Variants in RLF observed in about 807,000 individuals in gnomAD.
The protein encoded by RLF is RLF zinc finger.
Under a neutral mutation model 162.9 loss-of-function variants are expected in RLF, and 7 were observed. The ratio of observed to expected loss-of-function variants is 0.04; its 90% CI spans 0.02 to 0.08. The LOEUF is 0.08. Ranked by LOEUF, RLF falls within the 10% of genes least tolerant of loss-of-function variation. RLF has a pLI of 1.00. For missense variants in RLF, 1,664 were observed against 2,244.7 expected (o/e 0.74, Z 5.23); for synonymous variants, 782 against 791.5 (o/e 0.99, Z 0.20).
chr1:40,232,682 C>T (rs72939314), intron 7 of RLF, among the ~76,000 whole-genome samples: 1 of 152,146 alleles, frequency 6.6e-6, no homozygotes, highest in Admixed American at 6.6e-5. Context: ...TGCTTGAAAC[C>T]TGACATCCTC....
chr1:40,162,742 G>A (rs1311757576), intron 1 of RLF, among the ~76,000 whole-genome samples: 1 of 152,158 alleles, frequency 6.6e-6, no homozygotes, highest in Admixed American at 6.5e-5. Flanking sequence ...ATGGAATTTT[G>A]TCCTTACTAA....
intron 1 of RLF, among the ~76,000 whole-genome samples, chr1:40,170,922 G>GTCT (rs1268224688): frequency 1.3e-5 from 2 of 152,114 alleles, no homozygotes; most frequent in Non-Finnish European, 2.9e-5. Context: ...TCTGATTACT[G>GTCT]TCTTTTTGAG....
chr1:40,232,205 C>CTT (rs200129511), intron 7 of RLF, among the ~76,000 whole-genome samples: 4 of 135,450 alleles, frequency 3.0e-5, no homozygotes, highest in Non-Finnish European at 6.4e-5. Flanking sequence ...GAGACTTGGT[C>CTT]TTTTTTTTTT....
At chr1:40,194,686 G>A (rs1400149644) in intron 3 of RLF, among the ~76,000 whole-genome samples, 2 of 151,884 alleles carry the variant, frequency 1.3e-5, no homozygotes, top group Admixed American at 6.6e-5. Flanking sequence ...GATCCTAATA[G>A]TAGGGCACTC....
chr1:40,238,552 G>A lies in RLF; in HGVS notation c.3850G>A (p.Gly1284Arg), dbSNP rs1189279101. The change falls in exon 8 of 8, where the codon GGA becomes AGA. Residue 1284 changes from glycine (G) to arginine (R), a missense_variant. Transcript: ENST00000372771. This position sits in a 1 kb window ranked among gnomAD's most constrained non-coding sequence, Gnocchi z 5.2. ...PIGSHREEQE[G>R]REGRGSRRTV... Reference sequence around the variant, plus strand: ...AGGCAGCCATAGAGAAGAACAAGAAGGAAGAGAGGGCAGAGGTAGCAGGCG... The same window carrying A: ...AGGCAGCCATAGAGAAGAACAAGAAAGAAGAGAGGGCAGAGGTAGCAGGCG... The A allele has an allele frequency of 6.2e-7, 1 of 1,613,678 alleles. No individual in the cohort carries two copies. The highest frequency in any genetic ancestry group is 1.3e-5 in the African/African-American group (1 of 74,930).
intron 1 of RLF, among the ~76,000 whole-genome samples, chr1:40,170,329 CTGT>C (rs1423815480): frequency 6.6e-6 from 1 of 152,052 alleles, no homozygotes; most frequent in Non-Finnish European, 1.5e-5. Context: ...TCACAGCTCA[CTGT>C]AGCCTTGTTA....
intron 1 of RLF, among the ~76,000 whole-genome samples, chr1:40,164,648 A>C (rs1177857804): frequency 6.6e-6 from 1 of 152,198 alleles, no homozygotes; most frequent in Non-Finnish European, 1.5e-5. Context: ...ATGTCTTCTC[A>C]AGTTTTTCCT....
At chr1:40,230,085 G>A (rs560990386) in intron 6 of RLF, among the ~76,000 whole-genome samples, 120 of 150,778 alleles carry the variant, frequency 8.0e-4, no homozygotes, top group African/African-American at 2.9e-3. Context: ...TTGCACTCCA[G>A]CCTGGGCAAC....
In RLF at chr1:40,195,781, T is replaced by C; in HGVS notation, c.607+17T>C. The C allele has an allele frequency of 2.5e-6, 4 of 1,600,028 alleles. No homozygotes were observed. Among genetic ancestry groups the C allele is most frequent in the Non-Finnish European group, 3.4e-6 (4 of 1,174,368 alleles). On this transcript the variant is annotated intron_variant, in intron 4 of 7. Transcript: ENST00000372771. ...CGGAGGAAGGTAAGTCTTAAGACTA[T>C]ATTGGATGAGGATTTAGTTCTGAGA...
chr1:40,226,737 GT>G (rs766443837), intron 6 of RLF, among the ~76,000 whole-genome samples: 17 of 151,886 alleles, frequency 1.1e-4, no homozygotes, highest in Admixed American at 2.0e-4. Flanking sequence ...TAATTCCACA[GT>G]TTTATTTACT....
intron 1 of RLF, among the ~76,000 whole-genome samples, chr1:40,162,606 C>A (rs1411012633): frequency 6.6e-6 from 1 of 152,124 alleles, no homozygotes; most frequent in African/African-American, 2.4e-5. Flanking sequence ...GAATAAATTG[C>A]GGCGTTCTAA....
chr1:40,166,070 A>G (rs948626221), intron 1 of RLF, among the ~76,000 whole-genome samples: 1 of 152,314 alleles, frequency 6.6e-6, no homozygotes, highest in African/African-American at 2.4e-5. Context: ...GCATTCTATT[A>G]GCTTCCAGTA....
chr1:40,190,198 C>T (rs570236675), intron 2 of RLF, among the ~76,000 whole-genome samples: 1 of 152,200 alleles, frequency 6.6e-6, no homozygotes, highest in Admixed American at 6.5e-5. Flanking sequence ...TTGAGTTGCT[C>T]ATTATTCAAG....
At chr1:40,178,064 A>G (rs1208702562) in intron 1 of RLF, 1 of 151,370 alleles carries the variant, frequency 6.6e-6, no homozygotes, top group Non-Finnish European at 1.5e-5. Flanking sequence ...AAACATATAT[A>G]TATATAGATA....
At chr1:40,235,341 C>T (rs575693078) in intron 7 of RLF, among the ~76,000 whole-genome samples, 2 of 152,132 alleles carry the variant, frequency 1.3e-5, no homozygotes, top group Non-Finnish European at 2.9e-5. Flanking sequence ...GCGTGAGCCA[C>T]CGTGCCCAGC....
intron 4 of RLF, among the ~76,000 whole-genome samples, chr1:40,201,273 ATTC>A (rs1557748895): frequency 6.6e-6 from 1 of 151,612 alleles, no homozygotes; most frequent in African/African-American, 2.4e-5. Context: ...TCTCACCTCT[ATTC>A]TTTAAGTAAT....
At chr1:40,232,279 A>G (rs1643162459) in intron 7 of RLF, among the ~76,000 whole-genome samples, 1 of 151,224 alleles carries the variant, frequency 6.6e-6, no homozygotes, top group African/African-American at 2.4e-5. Flanking sequence ...CAATTACTTT[A>G]TAATTGGCCA....
intron 2 of RLF, 95 bp from the exon 3 acceptor site, chr1:40,190,677 C>T (rs1642544168): frequency 1.3e-6 from 1 of 793,386 alleles, no homozygotes; most frequent in South Asian, 2.1e-5. Flanking sequence ...TTAAAATAGC[C>T]TAAACAAATG....
At chr1:40,225,494 G>C (rs1044638795) in intron 6 of RLF, among the ~76,000 whole-genome samples, 1 of 149,604 alleles carries the variant, frequency 6.7e-6, no homozygotes, top group African/African-American at 2.5e-5. Flanking sequence ...CAGGAGAATT[G>C]CTAGACCCCT....
Sources: allele counts gnomAD v4.1 joint callset (sites outside exome capture counted in the v4.1 genomes callset), GRCh38; gene constraint gnomAD v4.1.1; non-coding constraint Gnocchi (gnomAD v3.1); transcripts MANE v1.5; gene names NCBI Gene and HGNC (gene_info 2026-07-23, HGNC 2026-07-21).